The following ZMYM4 variants were observed in gnomAD, a reference collection of about 807,000 sequenced individuals.
ZMYM4 encodes the protein zinc finger MYM-type containing 4.
In ZMYM4, 31 loss-of-function variants were observed where a neutral mutation model predicts 183.2. That is an observed-to-expected ratio of 0.17 (90% CI 0.13 to 0.23). ZMYM4 has a LOEUF of 0.23. Ranked by LOEUF, ZMYM4 falls within the 10% of genes least tolerant of loss-of-function variation. ZMYM4 has a pLI of 1.00. For missense variants in ZMYM4, 1,273 were observed against 1,840.3 expected, an observed-to-expected ratio of 0.69 and a Z score of 5.64; for synonymous variants, 592 against 631.2, an observed-to-expected ratio of 0.94 and a Z score of 0.93.
At chr1:35,363,937 A>G (rs1331831097) in intron 5 of ZMYM4, among the ~76,000 whole-genome samples, 2 of 152,114 alleles carry the variant, frequency 1.3e-5, no homozygotes, top group African/African-American at 4.8e-5. Flanking sequence ...TTGTACTTGA[A>G]CCATGTGACA....
At chr1:35,271,496 G>C (rs554274683) in intron 1 of ZMYM4, among the ~76,000 whole-genome samples, 25 of 152,156 alleles carry the variant, frequency 1.6e-4, no homozygotes, top group African/African-American at 6.0e-4. Context: ...TCCGCCTCCC[G>C]GGTTCAATTA....
intron 1 of ZMYM4, among the ~76,000 whole-genome samples, chr1:35,307,876 C>G (rs1046627747): frequency 6.6e-6 from 1 of 151,864 alleles, no homozygotes; most frequent in African/African-American, 2.4e-5. Flanking sequence ...GTCCCCCAGG[C>G]TGGAGTGCAA....
At chr1:35,279,713 C>G (rs998858555) in intron 1 of ZMYM4, among the ~76,000 whole-genome samples, 1 of 152,184 alleles carries the variant, frequency 6.6e-6, no homozygotes, top group Non-Finnish European at 1.5e-5. Flanking sequence ...GCTAAATATT[C>G]AAGTTCATGG....
chr1:35,402,551 C>T (rs1644928432), intron 23 of ZMYM4, among the ~76,000 whole-genome samples: 1 of 151,602 alleles, frequency 6.6e-6, no homozygotes, highest in African/African-American at 2.4e-5. Flanking sequence ...TAGGGGGGGT[C>T]GAGGCTGCAG....
In ZMYM4 at chr1:35,381,539, T is replaced by C. The variant is rs559411198; in HGVS notation, c.1357-7T>C. ...TTGTTTTTGTGTTGCTGTTATTTAA[T>C]TTCTAGATTCGACATGAAGTTAATT... On this transcript the variant is annotated splice_polypyrimidine_tract_variant and splice_region_variant and intron_variant, in intron 8 of 29. Transcript: ENST00000314607. The C allele has an allele frequency of 3.0e-5, 49 of 1,614,112 alleles. No individual in the cohort carries two copies. Among genetic ancestry groups the C allele is most frequent in the Admixed American group, 1.0e-4 (6 of 60,018 alleles).
intron 2 of ZMYM4, among the ~76,000 whole-genome samples, chr1:35,327,193 A>G (rs1298146621): frequency 6.6e-6 from 1 of 152,200 alleles, no homozygotes. Context: ...CAGCAAAATA[A>G]CATTGAATGA....
At chr1:35,376,370 A>G (rs1644333935) in intron 7 of ZMYM4, among the ~76,000 whole-genome samples, 1 of 152,160 alleles carries the variant, frequency 6.6e-6, no homozygotes, top group South Asian at 2.1e-4. Flanking sequence ...GCTGCTCCCA[A>G]TTCTTATCTC....
intron 1 of ZMYM4, among the ~76,000 whole-genome samples, chr1:35,315,140 A>G (rs1413983210): frequency 2.0e-5 from 3 of 149,668 alleles, no homozygotes; most frequent in Non-Finnish European, 4.4e-5. Flanking sequence ...TCAGTGATAC[A>G]TTTCGACTAT....
At chr1:35,317,015 G>T (rs1642074724) in intron 1 of ZMYM4, among the ~76,000 whole-genome samples, 1 of 151,758 alleles carries the variant, frequency 6.6e-6, no homozygotes, top group South Asian at 2.1e-4. Context: ...CCAGCTACTT[G>T]GGAGGCTGAG....
chr1:35,333,949 T>C (rs947579278), intron 2 of ZMYM4, among the ~76,000 whole-genome samples: 2 of 151,990 alleles, frequency 1.3e-5, no homozygotes, highest in African/African-American at 4.8e-5. Flanking sequence ...TGAACAATGA[T>C]ACATTAAAAG....
At chr1:35,337,759 C>T (rs1246011207) in intron 2 of ZMYM4, among the ~76,000 whole-genome samples, 4 of 151,614 alleles carry the variant, frequency 2.6e-5, no homozygotes, top group Non-Finnish European at 5.9e-5. Flanking sequence ...GCTAACATGG[C>T]GAAACCCCAT....
At position 35,405,062 on chromosome 1, in the gene ZMYM4, C is replaced by G; in HGVS notation, c.3568C>G (p.Leu1190Val). Residue 1190 changes from leucine to valine, a missense_variant, in exon 24 of 30, where the codon CTT (leucine) becomes GTT (valine). This residue lies in a region of ZMYM4 where 133 missense variants were observed against 155.7 expected (regional missense o/e 0.85). Transcript: ENST00000314607. ...KSIVAVEPRS[L>V]IQGAFQGCSV... The stretch of plus-strand genomic sequence containing the variant: ...TATAGTGGCTGTGGAGCCCAGGAGT[C>G]TTATTCAAGGAGCCTTTCAAGGCTG... The G allele has an allele frequency of 6.2e-7, 1 of 1,613,890 alleles. No homozygotes were observed. Among genetic ancestry groups the G allele is most frequent in the Non-Finnish European group, 8.5e-7 (1 of 1,179,900 alleles).
At chr1:35,303,109 C>CA (rs1377442163) in intron 1 of ZMYM4, among the ~76,000 whole-genome samples, 6 of 139,964 alleles carry the variant, frequency 4.3e-5, no homozygotes, top group African/African-American at 1.6e-4. Flanking sequence ...AAAAAAAAAA[C>CA]AAAAAAACCT....
At chr1:35,345,820 G>A (rs183406756) in intron 2 of ZMYM4, among the ~76,000 whole-genome samples, 24 of 152,208 alleles carry the variant, frequency 1.6e-4, no homozygotes, top group Admixed American at 5.2e-4. Context: ...GAAATTTACC[G>A]TCTTCACCAT....
intron 2 of ZMYM4, among the ~76,000 whole-genome samples, chr1:35,329,349 A>G (rs375232545): frequency 2.0e-5 from 3 of 152,362 alleles, no homozygotes; most frequent in African/African-American, 7.2e-5. Flanking sequence ...GATTCTGTAG[A>G]TGATCTTAAT....
chr1:35,393,801 T>C, intron 18 of ZMYM4, 62 bp downstream of exon 18: 1 of 1,477,442 alleles, frequency 6.8e-7, no homozygotes, highest in South Asian at 1.5e-5. Context: ...TAGGATCTAC[T>C]TACATTGAGT....
intron 2 of ZMYM4, among the ~76,000 whole-genome samples, chr1:35,348,662 A>C (rs944812624): frequency 1.3e-5 from 2 of 152,218 alleles, no homozygotes; most frequent in African/African-American, 4.8e-5. Context: ...GTCTGTCACT[A>C]AAGGAGAAAA....
chr1:35,388,290 T>C (rs895623985), intron 13 of ZMYM4, among the ~76,000 whole-genome samples: 1 of 152,192 alleles, frequency 6.6e-6, no homozygotes, highest in Non-Finnish European at 1.5e-5. Flanking sequence ...CTGCAACCTC[T>C]GCCTCCTGGG....
intron 7 of ZMYM4, among the ~76,000 whole-genome samples, chr1:35,381,009 G>A (rs942766111): frequency 6.6e-6 from 1 of 152,020 alleles, no homozygotes; most frequent in African/African-American, 2.4e-5. Context: ...TTTCCTTTTA[G>A]TCTTTGAAAC....
Sources: gnomAD v4.1 joint callset for allele counts (sites outside exome capture counted in the v4.1 genomes callset) on GRCh38, gnomAD v4.1.1 for gene constraint, gnomAD v4.1.1 regional missense constraint, MANE v1.5 for transcripts, NCBI Gene and HGNC (gene_info 2026-07-23, HGNC 2026-07-21) for gene names.